The following CDH18 variants were observed in gnomAD, a reference collection of about 807,000 sequenced individuals.
CDH18 encodes the protein cadherin-18.
CDH18 carries 31 observed loss-of-function variants against 67.9 expected under a neutral mutation model. The ratio of observed to expected loss-of-function variants is 0.46; its 90% CI spans 0.34 to 0.62. CDH18 has a LOEUF of 0.62. CDH18 is among the 20% of genes least tolerant of loss of function. The probability of loss-of-function intolerance (pLI) is 0.01; values close to 1 mark genes in which losing one functional copy is unlikely to be tolerated. For synonymous variants in CDH18, 362 were observed against 347.2 expected (o/e 1.04, Z -0.48); for missense variants, 890 against 975.5 (o/e 0.91, Z 1.17).
intron 2 of CDH18, among the ~76,000 whole-genome samples, chr5:19,959,038 C>T (rs1730188602): frequency 1.3e-5 from 2 of 151,576 alleles, no homozygotes; most frequent in Admixed American, 6.6e-5. Context: ...CAATGGTAAA[C>T]GTTTTTTAAA....
At position 20,534,963 on chromosome 5, in the gene CDH18, C is replaced by T. The variant is rs765872746; in HGVS notation, c.-580+40499G>A. Among the ~76,000 whole-genome samples the T allele has an allele frequency of 1.8e-4, 27 of 151,904 alleles. 1 individual carries two copies. Among genetic ancestry groups the T allele is most frequent in the Admixed American group, 4.6e-4 (7 of 15,198 alleles). On this transcript the variant is annotated intron_variant, in intron 1 of 14. Transcript: ENST00000507958. ...TTTGATATTTTTTGTTCTTAAGGCT[C>T]GCATTTTGCTGTGATTATAGCCTAC...
Position 19,838,804 on chromosome 5 carries a change from A to G in CDH18, c.183T>C (p.Phe61=). The change falls in exon 3 of 13, where the codon TTT becomes TTC. Residue 61 remains phenylalanine (F), a synonymous_variant. Coordinates refer to ENST00000382275, the MANE Select transcript of CDH18 (RefSeq NM_004934.5). ...CTGGTCCCATATGTTCTTCTAAAAC[A>G]AAGAACTGATTCCATACCCATCCCC... The part of the protein sequence containing the change: ...PKRGWVWNQF[F]VLEEHMGPDP... The G allele has an allele frequency of 6.2e-7, 1 of 1,613,838 alleles. No homozygotes were observed. The highest frequency in any genetic ancestry group is 8.5e-7 in the Non-Finnish European group (1 of 1,179,782).
At chr5:20,321,040 C>T (rs1327524296) in intron 1 of CDH18, among the ~76,000 whole-genome samples, 1 of 152,150 alleles carries the variant, frequency 6.6e-6, no homozygotes, top group Non-Finnish European at 1.5e-5. Flanking sequence ...CTCTCTTTTC[C>T]ATTATTCCCT....
chr5:20,254,472 C>A (rs1744081437), intron 2 of CDH18, among the ~76,000 whole-genome samples: 1 of 152,142 alleles, frequency 6.6e-6, no homozygotes, highest in Non-Finnish European at 1.5e-5. Context: ...ACCAAACTAA[C>A]TTCATAGGTG....
chr5:19,998,013 T>C (rs546204048), intron 2 of CDH18, among the ~76,000 whole-genome samples: 3 of 152,270 alleles, frequency 2.0e-5, no homozygotes, highest in Admixed American at 6.5e-5. Context: ...GCTGGAAACA[T>C]GAAATGGAAA....
In CDH18 at chr5:20,284,858, T is replaced by G. The variant is rs370694439; in HGVS notation, c.-579-29353A>C. Among the ~76,000 whole-genome samples the G allele has an allele frequency of 5.6e-4, 85 of 152,068 alleles. No homozygotes were observed. In the South Asian group the frequency reaches 0.016, roughly 28 times the overall value. On this transcript the variant is annotated intron_variant, in intron 1 of 14. Transcript: ENST00000507958. Reference sequence around the variant, plus strand: ...GGGACCAATGTATTTAGGATCTGTTTCATAGCCATAGTGTAGAAGGTTAAT... The same window carrying G: ...GGGACCAATGTATTTAGGATCTGTTGCATAGCCATAGTGTAGAAGGTTAAT...
chr5:19,971,461 A>T (rs1036930626), intron 2 of CDH18, among the ~76,000 whole-genome samples: 1 of 152,088 alleles, frequency 6.6e-6, no homozygotes, highest in African/African-American at 2.4e-5. Context: ...TTTAATGTAT[A>T]TATAAAAAGA....
chr5:19,537,143 G>A (rs1382302563), intron 9 of CDH18, among the ~76,000 whole-genome samples: 1 of 152,106 alleles, frequency 6.6e-6, no homozygotes, highest in East Asian at 1.9e-4. Flanking sequence ...CTTTCATATT[G>A]TTAGTGGGCC....
intron 10 of CDH18, among the ~76,000 whole-genome samples, chr5:19,503,508 T>C (rs938850808): frequency 6.6e-6 from 1 of 152,118 alleles, no homozygotes; most frequent in Non-Finnish European, 1.5e-5. Flanking sequence ...TGTATGTTGG[T>C]CTAAGTAGTA....
chr5:20,550,552 A>G (rs1373937514), intron 1 of CDH18, among the ~76,000 whole-genome samples: 1 of 152,216 alleles, frequency 6.6e-6, no homozygotes, highest in Non-Finnish European at 1.5e-5. Flanking sequence ...TCAAAGAAAC[A>G]TCTAGGGAGC....
intron 2 of CDH18, among the ~76,000 whole-genome samples, chr5:19,866,835 T>C (rs761553531): frequency 1.1e-4 from 16 of 152,190 alleles, no homozygotes; most frequent in Non-Finnish European, 2.1e-4. Flanking sequence ...CTCACACCTG[T>C]AATCCCAGCA....
chr5:20,228,638 A>G (rs1011784136), intron 2 of CDH18, among the ~76,000 whole-genome samples: 2 of 152,012 alleles, frequency 1.3e-5, no homozygotes, highest in African/African-American at 4.8e-5. Flanking sequence ...CTCTGCTCCT[A>G]TTAATCACCA....
intron 2 of CDH18, among the ~76,000 whole-genome samples, chr5:20,214,913 A>C (rs1740639742): frequency 1.3e-5 from 2 of 152,006 alleles, no homozygotes; most frequent in South Asian, 4.1e-4. Flanking sequence ...ACAACCTACA[A>C]AATAAGAGAA....
chr5:19,665,321 T>A (rs1757759499), intron 5 of CDH18, among the ~76,000 whole-genome samples: 2 of 152,006 alleles, frequency 1.3e-5, no homozygotes, highest in South Asian at 4.1e-4. Flanking sequence ...TGGGAATAAG[T>A]TGTAAAATAA....
chr5:20,205,517 AC>A (rs1205117584), intron 2 of CDH18, among the ~76,000 whole-genome samples: 1 of 151,898 alleles, frequency 6.6e-6, no homozygotes, highest in East Asian at 1.9e-4. Context: ...TAAACTACAC[AC>A]TAGACCAAAG....
At position 19,672,457 on chromosome 5, in the gene CDH18, CTT is replaced by C. The variant is rs941986098; in HGVS notation, c.643+48888_643+48889del. Among the ~76,000 whole-genome samples, 110 of 152,200 alleles carry C rather than the reference CTT, an allele frequency of 7.2e-4. 1 individual carries two copies. Among genetic ancestry groups the C allele is most frequent in the Middle Eastern group, 6.8e-3 (2 of 294 alleles). On this transcript the variant is annotated intron_variant, in intron 5 of 12. Transcript: ENST00000382275. ...TTCATAAATCTTATCCTGATGATGA[CTT>C]TGTGACTAAAAAGTTTAAGAATAAA...
At chr5:20,097,444 CT>C (rs1746087287) in intron 2 of CDH18, among the ~76,000 whole-genome samples, 1 of 152,034 alleles carries the variant, frequency 6.6e-6, no homozygotes, top group Admixed American at 6.6e-5. Flanking sequence ...TCTCATGAGA[CT>C]TGTTGACTGT....
At chr5:19,779,074 G>A (rs1774768456) in intron 3 of CDH18, among the ~76,000 whole-genome samples, 1 of 152,086 alleles carries the variant, frequency 6.6e-6, no homozygotes, top group Non-Finnish European at 1.5e-5. Context: ...TAATATATGT[G>A]AGAATACTTT....
chr5:19,916,581 A>G (rs1005256891), intron 2 of CDH18, among the ~76,000 whole-genome samples: 2 of 152,182 alleles, frequency 1.3e-5, no homozygotes, highest in African/African-American at 4.8e-5. Context: ...CTACAGCATA[A>G]GATCTGTGAC....
Sources: allele counts gnomAD v4.1 joint callset (sites outside exome capture counted in the v4.1 genomes callset), GRCh38; gene constraint gnomAD v4.1.1; transcripts MANE v1.5; gene names NCBI Gene and HGNC (gene_info 2026-07-23, HGNC 2026-07-21).